Variants in C10orf67 observed in about 807,000 individuals in gnomAD.
C10orf67 encodes uncharacterized protein C10orf67, mitochondrial.
A neutral mutation model predicts 35.6 loss-of-function variants in C10orf67; 60 were observed. That is an observed-to-expected ratio of 1.68 (90% CI 1.37 to 2.09). The LOEUF is 2.09. C10orf67 is among the 30% of genes most tolerant of loss of function. C10orf67 has a pLI of 0.00. For synonymous variants in C10orf67, 167 were observed against 115.8 expected (o/e 1.44, Z -2.84); for missense variants, 474 against 330.2 (o/e 1.44, Z -3.38).
chr10:23,298,011 T>G (rs1368840774), intron 5 of C10orf67, among the ~76,000 whole-genome samples: 1 of 152,030 alleles, frequency 6.6e-6, no homozygotes, highest in Admixed American at 6.6e-5. Flanking sequence ...ATCCTAGCAC[T>G]TTGGGAAGCT....
chr10:23,336,803 G>A (rs998273903), intron 1 of C10orf67, among the ~76,000 whole-genome samples: 2 of 152,054 alleles, frequency 1.3e-5, no homozygotes, highest in Non-Finnish European at 1.5e-5. Context: ...GTGAGCCACC[G>A]CACCTGGCCC....
At chr10:23,254,364 C>A (rs915902142) in intron 10 of C10orf67, among the ~76,000 whole-genome samples, 1 of 152,066 alleles carries the variant, frequency 6.6e-6, no homozygotes, top group South Asian at 2.1e-4. Flanking sequence ...CCTGCCACCA[C>A]CCCTGGCTAA....
At position 23,203,919 on chromosome 10, in the gene C10orf67, CG is replaced by C. The variant is rs1470464043; in HGVS notation, c.*253del. ...AGCTCCTGAATGGATGTGGTTGCCC[CG>C]GAGGTTCAGTGCGCCCCGCTCACCC... On this transcript the variant is annotated 3_prime_UTR_variant, in exon 16 of 16. Transcript: ENST00000636213. The C allele has an allele frequency of 9.4e-6, 3 of 320,850 alleles. No individual in the cohort carries two copies. The highest frequency in any genetic ancestry group is 6.4e-5 in the African/African-American group (3 of 46,726). 19.9% of individuals were successfully genotyped at this position (320,850 alleles called of 1,614,324 possible). A position where few individuals can be genotyped will look rare whatever the true frequency, so the allele number is the denominator to read the frequency against.
At chr10:23,239,884 G>C (rs1204462091) in intron 12 of C10orf67, 68 bp from the exon 13 acceptor site, 1 of 511,630 alleles carries the variant, frequency 2.0e-6, no homozygotes, top group Non-Finnish European at 3.7e-6. Flanking sequence ...TAAGCATTAT[G>C]TTAATGAGGT....
chr10:23,202,358 G>C (rs1841048973), downstream of C10orf67: 1 of 152,126 alleles, frequency 6.6e-6, no homozygotes, highest in Admixed American at 6.5e-5. Context: ...GTCTCGTCTT[G>C]ATATCCTCAA....
chr10:23,234,582 C>T (rs989940593), intron 13 of C10orf67, among the ~76,000 whole-genome samples: 2 of 151,944 alleles, frequency 1.3e-5, no homozygotes, highest in African/African-American at 4.8e-5. Flanking sequence ...GGGTTCCGGA[C>T]TTAACACCTG....
chr10:23,328,738 T>C (rs372427087), intron 2 of C10orf67, among the ~76,000 whole-genome samples: 8 of 149,662 alleles, frequency 5.3e-5, no homozygotes, highest in East Asian at 2.0e-4. Context: ...AATCCTAACA[T>C]TTTGAGAGGC....
chr10:23,297,764 G>C (rs1366174202), intron 5 of C10orf67, among the ~76,000 whole-genome samples: 3 of 152,236 alleles, frequency 2.0e-5, no homozygotes, highest in Admixed American at 6.5e-5. Flanking sequence ...AGTTGCACAA[G>C]TGCGCAGTCG....
chr10:23,325,261 C>G (rs1366277255), intron 2 of C10orf67, among the ~76,000 whole-genome samples: 2 of 151,988 alleles, frequency 1.3e-5, no homozygotes, highest in Non-Finnish European at 2.9e-5. Context: ...TCACTTGAGC[C>G]TAGGAGTTTG....
intron 2 of C10orf67, among the ~76,000 whole-genome samples, chr10:23,324,776 C>A (rs1845115698): frequency 6.6e-6 from 1 of 152,142 alleles, no homozygotes; most frequent in African/African-American, 2.4e-5. Context: ...TGTCCTTGAT[C>A]TGATTCAAAA....
chr10:23,281,101 A>T (rs758411777), intron 8 of C10orf67, among the ~76,000 whole-genome samples: 11 of 152,180 alleles, frequency 7.2e-5, no homozygotes, highest in Admixed American at 2.0e-4. Flanking sequence ...GGTTTTTGCG[A>T]ATCGCCAACC....
intron 13 of C10orf67, among the ~76,000 whole-genome samples, chr10:23,226,115 C>T (rs1230616260): frequency 6.6e-6 from 1 of 152,222 alleles, no homozygotes; most frequent in Non-Finnish European, 1.5e-5. Flanking sequence ...GAACTCTCCA[C>T]CCCAAATCAA....
chr10:23,303,276 AT>A (rs1324155060), intron 5 of C10orf67, 27 bp downstream of exon 5: 2 of 498,194 alleles, frequency 4.0e-6, no homozygotes, highest in Non-Finnish European at 3.6e-6. Context: ...GTATATTAAA[AT>A]TAATTATTCC....
chr10:23,216,422 T>C (rs1037764169), intron 15 of C10orf67, among the ~76,000 whole-genome samples: 1 of 152,150 alleles, frequency 6.6e-6, no homozygotes, highest in Admixed American at 6.5e-5. Context: ...TGTAAAGTAG[T>C]GTAACCAATT....
chr10:23,327,545 G>A (rs974799081), intron 2 of C10orf67, among the ~76,000 whole-genome samples: 34 of 152,094 alleles, frequency 2.2e-4, no homozygotes, highest in African/African-American at 8.2e-4. Flanking sequence ...AAAATTTCCT[G>A]GCCAGGCACG....
At chr10:23,264,702 G>A (rs1842840655) in intron 10 of C10orf67, among the ~76,000 whole-genome samples, 1 of 152,174 alleles carries the variant, frequency 6.6e-6, no homozygotes, top group Non-Finnish European at 1.5e-5. Flanking sequence ...TCCAGCCTTG[G>A]GGTTGCTGTG....
At position 23,344,485 on chromosome 10, in the gene C10orf67, C is replaced by T. The variant is rs540034338; in HGVS notation, c.206+84G>A. ...GCGATACCCCAGAGGAAAGCTGCAC[C>T]CCCGTAAATAACCCTTCAGCCTCCC... is the stretch of plus-strand genomic sequence containing the variant. On this transcript the variant is annotated intron_variant, in intron 1 of 15. Transcript: ENST00000636213. 3.0e-4 allele frequency: 377 copies of T among 1,277,246 alleles called. 7 individuals carry two copies. In the South Asian group the frequency reaches 4.7e-3, roughly 16 times the overall value. 79.1% of individuals were successfully genotyped at this position (1,277,246 alleles called of 1,614,324 possible). A position where few individuals can be genotyped will look rare whatever the true frequency, so the allele number is the denominator to read the frequency against.
Position 23,315,776 on chromosome 10 carries a change from C to T in C10orf67, c.546+4965G>A, listed in dbSNP as rs1844681686. On this transcript the variant is annotated intron_variant, in intron 4 of 15. Transcript: ENST00000636213. ...ACCACGAAATTCTGACTTACTCTCTCATTATAAACAAGAATAATACCGGAT... is the reference window on the plus strand; with the variant it reads ...ACCACGAAATTCTGACTTACTCTCTTATTATAAACAAGAATAATACCGGAT... Among the ~76,000 whole-genome samples, 5 of 152,086 alleles carry T rather than the reference C, an allele frequency of 3.3e-5. 1 individual carries two copies. Among genetic ancestry groups the T allele is most frequent in the Admixed American group, 2.6e-4 (4 of 15,260 alleles).
intron 8 of C10orf67, among the ~76,000 whole-genome samples, chr10:23,281,011 A>T (rs1801992065): frequency 6.6e-6 from 1 of 152,226 alleles, no homozygotes; most frequent in South Asian, 2.1e-4. Context: ...TTCACCAAGT[A>T]GACTCAAATA....
Sources: gnomAD v4.1 joint callset for allele counts (sites outside exome capture counted in the v4.1 genomes callset) on GRCh38, gnomAD v4.1.1 for gene constraint, MANE v1.5 for transcripts, NCBI Gene and HGNC (gene_info 2026-07-23, HGNC 2026-07-21) for gene names.